Variants in ADAM18 observed in about 807,000 individuals in gnomAD.
ADAM18 encodes the protein ADAM metallopeptidase domain 18.
Under a neutral mutation model 94.4 loss-of-function variants are expected in ADAM18, and 117 were observed. That is an observed-to-expected ratio of 1.24 (90% confidence interval 1.07 to 1.45). ADAM18 has a LOEUF of 1.45. Ranked by LOEUF, ADAM18 falls within the 40% of genes most tolerant of loss-of-function variation. The pLI is 0.00. For synonymous variants in ADAM18, 327 were observed against 291.6 expected (o/e 1.12, Z -1.24); for missense variants, 936 against 880.0 (o/e 1.06, Z -0.81).
chr8:39,679,928 A>T, intron 15 of ADAM18, 109 bp from the exon 16 acceptor site: 1 of 1,037,492 alleles, frequency 9.6e-7, no homozygotes, highest in Non-Finnish European at 1.4e-6. Flanking sequence ...GGCATTTTTC[A>T]GTTGTTATAC....
intron 15 of ADAM18, among the ~76,000 whole-genome samples, chr8:39,679,207 G>A (rs1359075707): frequency 2.6e-5 from 4 of 151,890 alleles, no homozygotes; most frequent in Non-Finnish European, 1.5e-5. Flanking sequence ...AGGACAAATG[G>A]GTAAAATTCC....
chr8:39,658,053 C>T (rs759157672), intron 12 of ADAM18, among the ~76,000 whole-genome samples: 2 of 152,114 alleles, frequency 1.3e-5, no homozygotes, highest in Non-Finnish European at 2.9e-5. Context: ...GGAATTGTTT[C>T]GGGAATCTTT....
chr8:39,637,053 A>ATATATATATACATATATATATATATATG (rs1563285283), intron 7 of ADAM18, among the ~76,000 whole-genome samples: 1 of 138,672 alleles, frequency 7.2e-6, no homozygotes, highest in African/African-American at 2.7e-5. Context: ...ATATATATAT[A>ATATATATATACATATATATATATATATG]TATATATATA....
In ADAM18 at chr8:39,668,116, T is replaced by A. The variant is rs1450917474; in HGVS notation, c.1445T>A (p.Leu482Ter). 1 of 1,614,142 alleles carries A rather than the reference T, an allele frequency of 6.2e-7. No individual in the cohort carries two copies. Among genetic ancestry groups the A allele is most frequent in the Non-Finnish European group, 8.5e-7 (1 of 1,180,002 alleles). The change falls in exon 14 of 20, where the codon TTG becomes TAG. Residue 482 changes from leucine to a stop codon, truncating the protein, a stop_gained. Coordinates refer to ENST00000265707, the MANE Select transcript of ADAM18 (RefSeq NM_014237.3). LOFTEE classifies it high-confidence loss of function. ...VPDTYALNGR[L>*]CKLGTAYCYN... ...GACACTTATGCATTGAATGGCCGTT[T>A]GTGCAAGTTGGGAACTGCCTATTGC...
At chr8:39,605,683 A>T (rs539104798) in intron 2 of ADAM18, 85 of 225,704 alleles carry the variant, frequency 3.8e-4, no homozygotes, top group East Asian at 2.2e-3. Flanking sequence ...ATATTTTTTT[A>T]AAAATGTACT....
At chr8:39,700,979 G>A (rs989682764) in intron 17 of ADAM18, among the ~76,000 whole-genome samples, 6 of 149,874 alleles carry the variant, frequency 4.0e-5, no homozygotes, top group East Asian at 3.9e-4. Context: ...TTAGCCGGGC[G>A]TAGTGGCGGG....
intron 14 of ADAM18, among the ~76,000 whole-genome samples, chr8:39,670,132 C>A (rs372439338): frequency 6.6e-6 from 1 of 152,078 alleles, no homozygotes; most frequent in Non-Finnish European, 1.5e-5. Context: ...AATGTCTGTT[C>A]ATATCCTTCA....
In ADAM18 at chr8:39,663,785, A is replaced by T; in HGVS notation, c.1231-10A>T. On this transcript the variant is annotated splice_polypyrimidine_tract_variant and intron_variant, in intron 12 of 19. Coordinates refer to ENST00000265707, the MANE Select transcript of ADAM18 (RefSeq NM_014237.3). ...AAACTGTAATAATATTTCTTCCTGT[A>T]AAATTTTAGGAATGTCAATTTAAGA... The T allele has an allele frequency of 1.3e-6, 2 of 1,589,248 alleles. No homozygotes were observed. The highest frequency in any genetic ancestry group is 2.3e-5 in the South Asian group (2 of 88,430).
chr8:39,660,235 G>C (rs1820800231), intron 12 of ADAM18, among the ~76,000 whole-genome samples: 1 of 152,106 alleles, frequency 6.6e-6, no homozygotes, highest in South Asian at 2.1e-4. Flanking sequence ...AATGGCAGTA[G>C]TCAATTCTTG....
intron 18 of ADAM18, among the ~76,000 whole-genome samples, chr8:39,710,863 A>G (rs1376726): frequency 0.32 from 48,506 of 152,004 alleles, 8,552 homozygotes; most frequent in East Asian, 0.75. Context: ...TTACGTGGAT[A>G]TATGGAAAAT....
At chr8:39,712,649 GACAA>G (rs1822448232) in intron 18 of ADAM18, among the ~76,000 whole-genome samples, 2 of 151,982 alleles carry the variant, frequency 1.3e-5, no homozygotes, top group South Asian at 2.1e-4. Context: ...TACAATAACA[GACAA>G]ACAGAGCGCC....
intron 19 of ADAM18, among the ~76,000 whole-genome samples, chr8:39,724,734 C>T (rs1395949639): frequency 2.0e-5 from 3 of 151,726 alleles, no homozygotes; most frequent in African/African-American, 4.8e-5. Context: ...GCATTCTATA[C>T]GTTTTGATAG....
chr8:39,725,699 G>A (rs1170680560), intron 19 of ADAM18, among the ~76,000 whole-genome samples: 1 of 152,112 alleles, frequency 6.6e-6, no homozygotes. Flanking sequence ...CATTGTTAAG[G>A]ATGAGTAATC....
At chr8:39,692,399 G>A (rs919589640) in intron 16 of ADAM18, among the ~76,000 whole-genome samples, 3 of 151,422 alleles carry the variant, frequency 2.0e-5, no homozygotes, top group Admixed American at 6.6e-5. Context: ...TTTTTTGCTT[G>A]CAATTACTTT....
intron 2 of ADAM18, among the ~76,000 whole-genome samples, chr8:39,603,937 A>C (rs1464122155): frequency 6.6e-6 from 1 of 152,162 alleles, no homozygotes; most frequent in East Asian, 1.9e-4. Context: ...TTGATGTTCA[A>C]CCTCACTAAT....
intron 14 of ADAM18, among the ~76,000 whole-genome samples, chr8:39,675,803 G>T (rs1821285025): frequency 6.6e-6 from 1 of 152,186 alleles, no homozygotes; most frequent in Non-Finnish European, 1.5e-5. Context: ...CTACAGATGG[G>T]ATTTTGGTGT....
intron 18 of ADAM18, among the ~76,000 whole-genome samples, chr8:39,712,543 C>T (rs535369331): frequency 1.3e-5 from 2 of 152,142 alleles, no homozygotes; most frequent in South Asian, 4.1e-4. Flanking sequence ...TTTAGAAAAC[C>T]CCATTGTCTC....
rs1283868176 is a variant in ADAM18 at position 39,609,707 on chromosome 8, AT to A, written c.344+148del. On this transcript the variant is annotated intron_variant, in intron 5 of 19. Transcript: ENST00000265707. ...TTTCTAACAGCTTTATTCTATTTGT[AT>A]TAATGTTAATACTTAGACCTAAGGG... The A allele has an allele frequency of 1.8e-5, 10 of 545,106 alleles. No individual in the cohort carries two copies. In the Admixed American group the frequency reaches 3.1e-4, roughly 17 times the overall value. The allele number at this position is 545,106 out of a possible 1,614,324, so 33.8% of individuals were successfully genotyped here.
At chr8:39,655,819 C>T (rs946434775) in intron 12 of ADAM18, among the ~76,000 whole-genome samples, 5 of 151,798 alleles carry the variant, frequency 3.3e-5, no homozygotes, top group African/African-American at 4.8e-5. Flanking sequence ...TCATAAAAAT[C>T]AAATATTTCT....
Sources: gnomAD v4.1 joint callset for allele counts (sites outside exome capture counted in the v4.1 genomes callset) on GRCh38, gnomAD v4.1.1 for gene constraint, MANE v1.5 for transcripts, NCBI Gene and HGNC (gene_info 2026-07-23, HGNC 2026-07-21) for gene names.